Variants in DZIP1 observed in about 807,000 individuals in gnomAD.
DZIP1 encodes DAZ interacting zinc finger protein 1.
Under a neutral mutation model 107.6 loss-of-function variants are expected in DZIP1, and 97 were observed. That is an observed-to-expected ratio of 0.90 (90% CI 0.77 to 1.07). DZIP1 has a LOEUF of 1.07. Ranked by LOEUF, DZIP1 falls within the 50% of genes least tolerant of loss-of-function variation. The pLI is 0.00. For synonymous variants in DZIP1, 390 were observed against 386.4 expected (o/e 1.01, Z -0.11); for missense variants, 1,035 against 1,063.6 (o/e 0.97, Z 0.37).
Position 95,641,762 on chromosome 13 carries a change from C to A in DZIP1, c.130G>T (p.Ala44Ser). The A allele has an allele frequency of 6.4e-7, 1 of 1,567,616 alleles. No homozygotes were observed. The highest frequency in any genetic ancestry group is 8.6e-7 in the Non-Finnish European group (1 of 1,167,172). Residue 44 changes from alanine (A) to serine (S), a missense_variant, in exon 5 of 23, where the codon GCC becomes TCC. Physicochemically the swap from Ala to Ser is moderately conservative, Grantham distance 99. Transcript: ENST00000376829. This position sits in a 1 kb window ranked among gnomAD's most constrained non-coding sequence, Gnocchi z 4.3. ...AAAAAGAASMACAPPSAASGP... is the reference protein window; with the variant it reads ...AAAAAGAASMSCAPPSAASGP... ...GAAGCCGCGCTGGGGGGCGCACAGG[C>A]CATGGAGGCCGCACCCGCGGCGGCG...
At chr13:95,619,687 G>GA (rs58256706) in intron 10 of DZIP1, among the ~76,000 whole-genome samples, 198 bp downstream of exon 10, 2,969 of 134,080 alleles carry the variant, frequency 0.022, 51 homozygotes, top group Middle Eastern at 0.041. Flanking sequence ...AGTTTCATGA[G>GA]AAAAAAAAAA....
intron 10 of DZIP1, among the ~76,000 whole-genome samples, chr13:95,613,954 T>C (rs1874713656): frequency 6.6e-6 from 1 of 151,766 alleles, no homozygotes; most frequent in African/African-American, 2.4e-5. Flanking sequence ...TAAGACCCTG[T>C]CTCTACAAAA....
At position 95,589,847 on chromosome 13, in the gene DZIP1, C is replaced by G; in HGVS notation, c.1929G>C (p.Leu643=). Residue 643 remains leucine, a synonymous_variant, in exon 18 of 23, where the codon CTG becomes CTC. Coordinates refer to ENST00000376829, the MANE Select transcript of DZIP1 (RefSeq NM_198968.4). ...CAGTAGAAACAGCTTTTTGTCTAAT[C>G]AGTTGTCTGTTTTTGGAAGGAAGTT... ...MIQLPSKNRQ[L]IRQKAVSTDR... 2 of 1,614,060 alleles carry G rather than the reference C, an allele frequency of 1.2e-6. No individual in the cohort carries two copies. Among genetic ancestry groups the G allele is most frequent in the Non-Finnish European group, 1.7e-6 (2 of 1,179,996 alleles).
chr13:95,580,624 A>T lies in DZIP1; in HGVS notation c.*1610T>A, dbSNP rs941120534. 1 of 152,172 alleles carries T rather than the reference A, an allele frequency of 6.6e-6. No homozygotes were observed. The highest frequency in any genetic ancestry group is 1.9e-4 in the East Asian group (1 of 5,198). The allele number at this position is 152,172 out of a possible 1,614,324, so 9.4% of individuals were successfully genotyped here. On this transcript the variant is annotated 3_prime_UTR_variant, in exon 23 of 23. Transcript: ENST00000376829. ...AGGATTATAACAATAACTACATCGC[A>T]AAGTTGTTGTAATTAAATGAATTAG...
At chr13:95,614,697 C>T (rs74109016) in intron 10 of DZIP1, among the ~76,000 whole-genome samples, 2,766 of 152,204 alleles carry the variant, frequency 0.018, 79 homozygotes, top group African/African-American at 0.062. Context: ...TCCCTACTGG[C>T]CCACATCACC....
Position 95,630,007 on chromosome 13 carries a change from A to G in DZIP1, c.792T>C (p.Ser264=), listed in dbSNP as rs369405143. 3.1e-6 allele frequency: 5 copies of G among 1,609,672 alleles called. No individual in the cohort carries two copies. In the African/African-American group the frequency reaches 4.0e-5, roughly 13 times the overall value. The change falls in exon 7 of 23, where the codon AGT becomes AGC. Residue 264 remains serine, a synonymous_variant. Transcript: ENST00000376829. The part of the protein sequence containing the change: ...RSELEAAHHA[S]AVRFSKEYEM... Reference sequence around the variant, plus strand: ...CTGGTACCTTGGAGAATCTGACTGCACTGGCATGGTGTGCAGCCTCTAGCT... The same window carrying G: ...CTGGTACCTTGGAGAATCTGACTGCGCTGGCATGGTGTGCAGCCTCTAGCT...
At position 95,578,906 on chromosome 13, in the gene DZIP1, TC is replaced by T. The variant is rs1367362754; in HGVS notation, c.*3327del. On this transcript the variant is annotated 3_prime_UTR_variant, in exon 23 of 23. Coordinates refer to ENST00000376829, the MANE Select transcript of DZIP1 (RefSeq NM_198968.4). ...ATATTATTGCCTGTCATGTGGCACA[TC>T]CATGTTAAGGGGCTGAGGCGTCCCT... is the stretch of plus-strand genomic sequence containing the variant. 1 of 152,174 alleles carries T rather than the reference TC, an allele frequency of 6.6e-6. No homozygotes were observed. The highest frequency in any genetic ancestry group is 2.4e-5 in the African/African-American group (1 of 41,416). 9.4% of individuals were successfully genotyped at this position (152,174 alleles called of 1,614,324 possible). A position where few individuals can be genotyped will look rare whatever the true frequency, so the allele number is the denominator to read the frequency against.
chr13:95,609,269 T>G (rs765357479), intron 13 of DZIP1, among the ~76,000 whole-genome samples, 188 bp downstream of exon 13: 2 of 152,230 alleles, frequency 1.3e-5, no homozygotes, highest in Non-Finnish European at 2.9e-5. Context: ...CACCACAACA[T>G]CATGTGGATA....
rs1878442102 is a variant in DZIP1, at chr13:95,641,189, C to G, written c.597+106G>C. 1 of 1,451,016 alleles carries G rather than the reference C, an allele frequency of 6.9e-7. No individual in the cohort carries two copies. The highest frequency in any genetic ancestry group is 9.2e-7 in the Non-Finnish European group (1 of 1,084,258). 89.9% of individuals were successfully genotyped at this position (1,451,016 alleles called of 1,614,324 possible). On this transcript the variant is annotated intron_variant, in intron 5 of 22. Coordinates refer to ENST00000376829, the MANE Select transcript of DZIP1 (RefSeq NM_198968.4). The surrounding 1 kb of genome is among the most constrained non-coding windows in gnomAD (Gnocchi z 4.3). ...TAAATATACTGTGTCTTCTGATATACAATATAAATCTTTAAGAAGAAAGAG... is the reference window on the plus strand; with the variant it reads ...TAAATATACTGTGTCTTCTGATATAGAATATAAATCTTTAAGAAGAAAGAG...
At chr13:95,593,127 TACAC>T (rs1393185888) in intron 16 of DZIP1, among the ~76,000 whole-genome samples, 5 of 152,226 alleles carry the variant, frequency 3.3e-5, no homozygotes, top group South Asian at 2.1e-4. Context: ...TATAGCCACA[TACAC>T]ACATACTTCT....
rs754058464 is a variant in DZIP1, at chr13:95,587,526, G to A, written c.2218+13C>T. The A allele has an allele frequency of 6.4e-5, 103 of 1,612,782 alleles. No homozygotes were observed. The highest frequency in any genetic ancestry group is 7.9e-5 in the Non-Finnish European group (93 of 1,179,142). ...ATACAGTTTCCAGAGAGTTTTCCAA[G>A]GTAACAGCTCACCTGCGGGCTTGGG... is the stretch of plus-strand genomic sequence containing the variant. On this transcript the variant is annotated intron_variant, in intron 20 of 22. Transcript: ENST00000376829.
At chr13:95,633,887 C>A (rs1877495560) in intron 5 of DZIP1, among the ~76,000 whole-genome samples, 1 of 152,064 alleles carries the variant, frequency 6.6e-6, no homozygotes, top group Non-Finnish European at 1.5e-5. Context: ...GAGTTCGAGA[C>A]CAGCCTGGGC....
intron 12 of DZIP1, among the ~76,000 whole-genome samples, chr13:95,609,981 C>T (rs149605294): frequency 4.0e-3 from 606 of 152,196 alleles, no homozygotes; most frequent in Non-Finnish European, 7.8e-3. Flanking sequence ...GAACCTATGG[C>T]TCCCAGTCTC....
At chr13:95,600,583 A>AGAT (rs71717109) in intron 14 of DZIP1, among the ~76,000 whole-genome samples, 13,347 of 147,418 alleles carry the variant, frequency 0.091, 734 homozygotes, top group East Asian at 0.17. Context: ...AGAGATAGAT[A>AGAT]GATAGATGAT....
chr13:95,631,283 C>T (rs1235627720), intron 6 of DZIP1, among the ~76,000 whole-genome samples: 2 of 151,946 alleles, frequency 1.3e-5, no homozygotes, highest in East Asian at 1.9e-4. Flanking sequence ...CAGCAAAACC[C>T]CAATCCCTAC....
chr13:95,590,135 A>C (rs958901591), intron 17 of DZIP1, 144 bp downstream of exon 17: 2 of 1,043,996 alleles, frequency 1.9e-6, no homozygotes, highest in Non-Finnish European at 2.7e-6. Flanking sequence ...TACAAACAGT[A>C]AAAGAGTTGC....
chr13:95,614,827 T>A (rs574867226), intron 10 of DZIP1, among the ~76,000 whole-genome samples: 1 of 152,240 alleles, frequency 6.6e-6, no homozygotes, highest in Non-Finnish European at 1.5e-5. Context: ...CTCCTACCAA[T>A]GTTATTTAAA....
chr13:95,596,180 T>C (rs1395090804), intron 15 of DZIP1, among the ~76,000 whole-genome samples: 2 of 152,090 alleles, frequency 1.3e-5, no homozygotes, highest in Non-Finnish European at 2.9e-5. Flanking sequence ...AGAAGTGGAA[T>C]TAATCACTTG....
intron 12 of DZIP1, among the ~76,000 whole-genome samples, 182 bp downstream of exon 12, chr13:95,611,263 C>T (rs2139117422): frequency 6.6e-6 from 1 of 152,286 alleles, no homozygotes; most frequent in Non-Finnish European, 1.5e-5. Context: ...AATTCTTCAC[C>T]TTTCTGGGTT....
Sources: allele counts gnomAD v4.1 joint callset (sites outside exome capture counted in the v4.1 genomes callset), GRCh38; gene constraint gnomAD v4.1.1; non-coding constraint Gnocchi (gnomAD v3.1); transcripts MANE v1.5; gene names NCBI Gene and HGNC (gene_info 2026-07-23, HGNC 2026-07-21).